GTPBP10: variants seen among roughly 807,000 people sequenced by gnomAD.
The protein encoded by GTPBP10 is GTP-binding protein 10.
In GTPBP10, 38 loss-of-function variants were observed where a neutral mutation model predicts 44.8. The ratio of observed to expected loss-of-function variants is 0.85; its 90% CI spans 0.65 to 1.11. GTPBP10 has a LOEUF of 1.11. Ranked by LOEUF, GTPBP10 falls within the 50% of genes most tolerant of loss-of-function variation. The pLI is 0.00. For missense variants in GTPBP10, 462 were observed against 453.7 expected (o/e 1.02, Z -0.17); for synonymous variants, 152 against 150.6 (o/e 1.01, Z -0.07).
chr7:90,358,768 G>A (rs1464875686), intron 4 of GTPBP10, among the ~76,000 whole-genome samples: 1 of 152,150 alleles, frequency 6.6e-6, no homozygotes, highest in Non-Finnish European at 1.5e-5. Context: ...CCTAATTAAA[G>A]TAAAAGTCTT....
intron 8 of GTPBP10, among the ~76,000 whole-genome samples, chr7:90,381,241 TTCCCAC>T (rs1455028732): frequency 6.6e-6 from 1 of 152,204 alleles, no homozygotes; most frequent in African/African-American, 2.4e-5. Context: ...CTAATTTACA[TTCCCAC>T]TCAACGGTGT....
At chr7:90,351,350 C>A (rs17862152) in intron 1 of GTPBP10, among the ~76,000 whole-genome samples, 43,091 of 151,986 alleles carry the variant, frequency 0.28, 6,984 homozygotes, top group East Asian at 0.66. Flanking sequence ...GAGGCCAAGG[C>A]AAGAGGATTG....
chr7:90,355,089 A>G lies in GTPBP10; in HGVS notation c.323A>G (p.Glu108Gly), dbSNP rs766911268. Residue 108 changes from glutamate to glycine, a missense_variant, in exon 4 of 10, where the codon GAA becomes GGA. Transcript: ENST00000222511. ...VTDENGKIIG[E>G]LNKENDRILV... ...TATTTCTCTCCCTCTTTTTAAGGAG[A>G]ACTCAATAAAGAAAATGACAGAATT... 2 of 1,564,350 alleles carry G rather than the reference A, an allele frequency of 1.3e-6. No individual in the cohort carries two copies. Among genetic ancestry groups the G allele is most frequent in the Admixed American group, 1.7e-5 (1 of 57,340 alleles).
At chr7:90,365,492 C>T (rs1359768680) in intron 4 of GTPBP10, among the ~76,000 whole-genome samples, 2 of 148,916 alleles carry the variant, frequency 1.3e-5, no homozygotes, top group Non-Finnish European at 3.0e-5. Context: ...TCTCCTGCCT[C>T]AGCCTCCCAA....
intron 6 of GTPBP10, among the ~76,000 whole-genome samples, chr7:90,375,207 AAATG>A (rs1161983079): frequency 6.6e-6 from 1 of 152,196 alleles, no homozygotes; most frequent in African/African-American, 2.4e-5. Context: ...TAAAAAAAAA[AAATG>A]AATGATTTCC....
Position 90,346,791 on chromosome 7 carries a change from T to A in GTPBP10, c.33+17T>A. 6.2e-7 allele frequency: 1 copy of A among 1,613,666 alleles called. No individual in the cohort carries two copies. Among genetic ancestry groups the A allele is most frequent in the Admixed American group, 1.7e-5 (1 of 60,002 alleles). On this transcript the variant is annotated intron_variant, in intron 1 of 9. Transcript: ENST00000222511. ...TTCAGAAAGGTCCGTGCGGGTCCCC[T>A]CAGCCTGGTCCCCTTAGCGCTGACA...
intron 1 of GTPBP10, among the ~76,000 whole-genome samples, 170 bp downstream of exon 1, chr7:90,346,944 G>A (rs558711185): frequency 6.6e-6 from 1 of 152,320 alleles, no homozygotes; most frequent in Non-Finnish European, 1.5e-5. Flanking sequence ...CGGTGACAGT[G>A]GTGTGTGTAC....
At chr7:90,371,255 G>A (rs1796252360) in intron 4 of GTPBP10, 1 of 767,946 alleles carries the variant, frequency 1.3e-6, no homozygotes, top group Admixed American at 6.3e-5. Context: ...GTTGTTTAGA[G>A]TGAAAAATTG....
Position 90,383,054 on chromosome 7 carries a change from G to A in GTPBP10, c.876G>A (p.Leu292=). 1 of 1,583,896 alleles carries A rather than the reference G, an allele frequency of 6.3e-7. No individual in the cohort carries two copies. Among genetic ancestry groups the A allele is most frequent in the South Asian group, 1.2e-5 (1 of 84,404 alleles). The change falls in exon 9 of 10, where the codon TTG becomes TTA. Residue 292 remains leucine, a synonymous_variant. Coordinates refer to ENST00000222511, the MANE Select transcript of GTPBP10 (RefSeq NM_033107.4). The part of the protein sequence containing the change: ...LPDAQDKFHE[L]MSQLQNPKDF... ...ATGCCCAAGATAAGTTCCATGAATTGATGAGCCAGCTCCAGAATCCTAAAG... is the reference window on the plus strand; with the variant it reads ...ATGCCCAAGATAAGTTCCATGAATTAATGAGCCAGCTCCAGAATCCTAAAG...
Position 90,347,395 on chromosome 7 carries a change from C to T in GTPBP10, c.33+621C>T, listed in dbSNP as rs983968384. 3 of 153,366 alleles carry T rather than the reference C, an allele frequency of 2.0e-5. No homozygotes were observed. The Admixed American group carries it at 2.0e-4, about 10-fold the overall frequency. The allele number at this position is 153,366 out of a possible 1,614,324, so 9.5% of individuals were successfully genotyped here. A position where few individuals can be genotyped will look rare whatever the true frequency, so the allele number is the denominator to read the frequency against. ...ACTCCTTTTAAGTAAGGCTCCTAAACCCCTGAATCTGATTAATCTAGAGCA... is the reference window on the plus strand; with the variant it reads ...ACTCCTTTTAAGTAAGGCTCCTAAATCCCTGAATCTGATTAATCTAGAGCA... On this transcript the variant is annotated intron_variant, in intron 1 of 9. Transcript: ENST00000222511.
chr7:90,372,066 C>T, intron 4 of GTPBP10, 89 bp from the exon 5 acceptor site: 5 of 742,246 alleles, frequency 6.7e-6, no homozygotes, highest in South Asian at 1.8e-5. Context: ...CTTTTAATCC[C>T]AAATATATTC....
In GTPBP10 at chr7:90,388,905, T is replaced by C. The variant is rs761749992; in HGVS notation, c.*3751T>C. Reference sequence around the variant, plus strand: ...AGTTTTACAAATCCCATCTACAAATTTGCATTGTCATTAAGATATATTAAA... The same window carrying C: ...AGTTTTACAAATCCCATCTACAAATCTGCATTGTCATTAAGATATATTAAA... On this transcript the variant is annotated 3_prime_UTR_variant, in exon 10 of 10. Transcript: ENST00000222511. 1.3e-5 allele frequency: 2 copies of C among 152,174 alleles called. No homozygotes were observed. The highest frequency in any genetic ancestry group is 6.5e-5 in the Admixed American group (1 of 15,276). The allele number at this position is 152,174 out of a possible 1,614,324, so 9.4% of individuals were successfully genotyped here.
chr7:90,362,470 C>T (rs174068), intron 4 of GTPBP10, among the ~76,000 whole-genome samples: 119,929 of 152,160 alleles, frequency 0.79, 47,390 homozygotes, highest in East Asian at 0.89. Flanking sequence ...TCCTGAGTTC[C>T]AATTTGATTG....
chr7:90,378,163 TCA>T lies in GTPBP10; in HGVS notation c.733_734del (p.Thr245SerfsTer7). 1 of 1,613,186 alleles carries T rather than the reference TCA, an allele frequency of 6.2e-7. No homozygotes were observed. Among genetic ancestry groups the T allele is most frequent in the Non-Finnish European group, 8.5e-7 (1 of 1,179,540 alleles). ...VDISGFQLSS[H>X]TQYRTAFETI... ...ATATTTCTGGATTTCAGCTTTCTTCTCACACTCAATACAGGACAGCTTTTGAA... is the reference window on the plus strand; with the variant it reads ...ATATTTCTGGATTTCAGCTTTCTTCTCACTCAATACAGGACAGCTTTTGAA... On this transcript the variant is annotated frameshift_variant, in exon 8 of 10. Transcript: ENST00000222511. LOFTEE classifies it high-confidence loss of function.
rs923333406 is a variant in GTPBP10, at chr7:90,387,258, C to G, written c.*2104C>G. The stretch of plus-strand genomic sequence containing the variant: ...GGCTGAGGCAGGAGAATCGCTTGAA[C>G]CCGGGAGGCGGAGGTTGCAGTGAGC... On this transcript the variant is annotated 3_prime_UTR_variant, in exon 10 of 10. Coordinates refer to ENST00000222511, the MANE Select transcript of GTPBP10 (RefSeq NM_033107.4). 2.0e-5 allele frequency: 3 copies of G among 152,182 alleles called. No individual in the cohort carries two copies. The highest frequency in any genetic ancestry group is 4.4e-5 in the Non-Finnish European group (3 of 68,076). The allele number at this position is 152,182 out of a possible 1,614,324, so 9.4% of individuals were successfully genotyped here. A position where few individuals can be genotyped will look rare whatever the true frequency, so the allele number is the denominator to read the frequency against.
In GTPBP10 at chr7:90,371,046, A is replaced by AATAG. The variant is rs1554398239; in HGVS notation, c.465-1105_465-1102dup. 14 of 135,078 alleles carry AATAG rather than the reference A, an allele frequency of 1.0e-4. No individual in the cohort carries two copies. The East Asian group carries it at 2.2e-3, about 22-fold the overall frequency. 8.4% of individuals were successfully genotyped at this position (135,078 alleles called of 1,614,324 possible). ...AAATAAATAAATAAATAAATAAATAAATAGATATGAGCTATTAAGCTATGA... is the reference window on the plus strand; with the variant it reads ...AAATAAATAAATAAATAAATAAATAAATAGATAGATATGAGCTATTAAGCTATGA... On this transcript the variant is annotated intron_variant, in intron 4 of 9. Transcript: ENST00000222511.
At chr7:90,367,746 T>C (rs1204963929) in intron 4 of GTPBP10, among the ~76,000 whole-genome samples, 2 of 152,234 alleles carry the variant, frequency 1.3e-5, no homozygotes, top group African/African-American at 4.8e-5. Context: ...TTTGGCAATC[T>C]GTGTCTTTTA....
At chr7:90,351,735 G>A (rs549662588) in intron 1 of GTPBP10, among the ~76,000 whole-genome samples, 12 of 151,598 alleles carry the variant, frequency 7.9e-5, no homozygotes, top group Admixed American at 5.3e-4. Context: ...TCGCTCTGTC[G>A]CCCAGGCTAG....
intron 6 of GTPBP10, 64 bp from the exon 7 acceptor site, chr7:90,377,443 A>G (rs895335955): frequency 1.6e-5 from 16 of 1,031,616 alleles, no homozygotes; most frequent in Non-Finnish European, 2.2e-5. Context: ...AAATTTTGGG[A>G]TGTAATTGAA....
Sources: gnomAD v4.1 joint callset for allele counts (sites outside exome capture counted in the v4.1 genomes callset) on GRCh38, gnomAD v4.1.1 for gene constraint, MANE v1.5 for transcripts, NCBI Gene and HGNC (gene_info 2026-07-23, HGNC 2026-07-21) for gene names.